The following GSE1 variants were observed in gnomAD, a reference collection of about 807,000 sequenced individuals.
GSE1 encodes the protein Gse1 coiled-coil protein.
In GSE1, 32 loss-of-function variants were observed where a neutral mutation model predicts 112.6. That is an observed-to-expected ratio of 0.28 (90% CI 0.21 to 0.38). The LOEUF is 0.38. Ranked by LOEUF, GSE1 falls within the 10% of genes least tolerant of loss-of-function variation. The pLI, the probability that GSE1 is intolerant of heterozygous loss-of-function variation, is 1.00. For synonymous variants in GSE1, 1,115 were observed against 735.6 expected (o/e 1.52, Z -8.35); for missense variants, 2,348 against 1,699.2 (o/e 1.38, Z -6.71).
chr16:85,463,223 C>T, intron 2 of GSE1: 3 of 485,828 alleles, frequency 6.2e-6, no homozygotes, highest in Non-Finnish European at 8.0e-6. Flanking sequence ...AACCTGGCCC[C>T]GCACTCACCC....
chr16:85,272,130 T>C (rs1006025816), intron 1 of GSE1, among the ~76,000 whole-genome samples: 2 of 152,180 alleles, frequency 1.3e-5, no homozygotes, highest in Non-Finnish European at 2.9e-5. Flanking sequence ...CGCCATTAGC[T>C]GGGTGCACAC....
At chr16:85,364,037 CAT>C (rs1205678370) in intron 2 of GSE1, among the ~76,000 whole-genome samples, 1 of 152,366 alleles carries the variant, frequency 6.6e-6, no homozygotes, top group Non-Finnish European at 1.5e-5. Flanking sequence ...CACACGCACA[CAT>C]AGTTCTTACA....
chr16:85,290,298 G>A (rs1292113457), intron 1 of GSE1, among the ~76,000 whole-genome samples: 3 of 152,204 alleles, frequency 2.0e-5, no homozygotes, highest in Non-Finnish European at 4.4e-5. Flanking sequence ...CTCATCACAA[G>A]GCCATGTCCA....
At chr16:85,409,210 C>T (rs867508748) in intron 2 of GSE1, among the ~76,000 whole-genome samples, 1 of 42,116 alleles carries the variant, frequency 2.4e-5, no homozygotes, top group African/African-American at 1.4e-4. Flanking sequence ...ACACTCAGGG[C>T]CCCCCGGATA....
At chr16:85,184,060 A>C (rs937045005) in intron 1 of GSE1, among the ~76,000 whole-genome samples, 1 of 152,204 alleles carries the variant, frequency 6.6e-6, no homozygotes, top group Non-Finnish European at 1.5e-5. Flanking sequence ...AGGGATGGCG[A>C]ACTCACTCCC....
chr16:85,585,426 A>G (rs1169697122), intron 1 of GSE1, among the ~76,000 whole-genome samples: 1 of 152,214 alleles, frequency 6.6e-6, no homozygotes, highest in Non-Finnish European at 1.5e-5. Context: ...CTGAGCTTGG[A>G]GGCCCGTGCC....
chr16:85,226,339 AATTTT>A (rs1455967379), intron 1 of GSE1, among the ~76,000 whole-genome samples: 9 of 152,240 alleles, frequency 5.9e-5, no homozygotes, highest in African/African-American at 2.2e-4. Context: ...AGTCATCTAC[AATTTT>A]ATTTTAATTT....
intron 2 of GSE1, among the ~76,000 whole-genome samples, chr16:85,485,415 C>T (rs976061856): frequency 1.3e-5 from 2 of 149,472 alleles, no homozygotes; most frequent in East Asian, 1.9e-4. Context: ...CCTCTTCCTC[C>T]CCTGTGCCTT....
chr16:85,655,772 C>A lies in GSE1; in HGVS notation c.844C>A (p.Pro282Thr), dbSNP rs1012181683. The change falls in exon 6 of 16, where the codon CCC becomes ACC. Residue 282 changes from proline (P) to threonine (T), a missense_variant. Physicochemically the swap from Pro to Thr is conservative, Grantham distance 38 (BLOSUM62 -1). Coordinates refer to ENST00000253458, the MANE Select transcript of GSE1 (RefSeq NM_014615.5). ...GTCTGCCCTGAGGTCCCCGTTCTAC[C>A]CCATCCCCACCCCCGGCTCCCTGCC... The part of the protein sequence containing the change: ...CLSALRSPFY[P>T]IPTPGSLPPL... 4 of 1,610,110 alleles carry A rather than the reference C, an allele frequency of 2.5e-6. No individual in the cohort carries two copies. Among genetic ancestry groups the A allele is most frequent in the Non-Finnish European group, 3.4e-6 (4 of 1,178,148 alleles).
chr16:85,657,469 G>A lies in GSE1; in HGVS notation c.1505G>A (p.Arg502Gln), dbSNP rs779254659. ...GAGGAGAAGTGGCTGGCGCGGCAGCGGCGGCTGCGGCAGGAGAAGGAGGAC... is the reference window on the plus strand; with the variant it reads ...GAGGAGAAGTGGCTGGCGCGGCAGCAGCGGCTGCGGCAGGAGAAGGAGGAC... ...NEEEKWLARQ[R>Q]RLRQEKEDRQ... Residue 502 changes from arginine to glutamine, a missense_variant, in exon 8 of 16, where the codon CGG (arginine) becomes CAG (glutamine). By Grantham distance (43) the Arg-to-Gln change is conservative (BLOSUM62 1). Transcript: ENST00000253458. 46 of 1,608,130 alleles carry A rather than the reference G, an allele frequency of 2.9e-5. No homozygotes were observed. Among genetic ancestry groups the A allele is most frequent in the African/African-American group, 9.4e-5 (7 of 74,816 alleles).
intron 2 of GSE1, among the ~76,000 whole-genome samples, chr16:85,491,362 CAGGA>C (rs1254580623): frequency 6.6e-6 from 1 of 152,152 alleles, no homozygotes; most frequent in Non-Finnish European, 1.5e-5. Flanking sequence ...TGGAGACAGA[CAGGA>C]AGCTCCCTAC....
chr16:85,345,194 T>G (rs1024211442), intron 1 of GSE1, among the ~76,000 whole-genome samples: 3 of 152,132 alleles, frequency 2.0e-5, no homozygotes, highest in Non-Finnish European at 4.4e-5. Flanking sequence ...GCTTTCACGT[T>G]TTTAAATGGT....
intron 1 of GSE1, among the ~76,000 whole-genome samples, chr16:85,342,527 C>T (rs1016275201): frequency 5.3e-5 from 8 of 152,130 alleles, no homozygotes; most frequent in Non-Finnish European, 8.8e-5. Context: ...GCCTCGGCAG[C>T]CCCACCAGCC....
chr16:85,556,239 T>G, exon 1 of GSE1: 2 of 984,912 alleles, frequency 2.0e-6, no homozygotes, highest in Non-Finnish European at 2.4e-6. Flanking sequence ...CGCCGTGGCT[T>G]GAACGGTGCT....
intron 2 of GSE1, among the ~76,000 whole-genome samples, chr16:85,460,273 C>CG (rs1294824899): frequency 6.6e-6 from 1 of 152,114 alleles, no homozygotes; most frequent in African/African-American, 2.4e-5. Flanking sequence ...TGGAACCACC[C>CG]GGGGGGCTTT....
chr16:85,654,912 G>A lies in GSE1; in HGVS notation c.718G>A (p.Gly240Ser), dbSNP rs151208097. Residue 240 changes from glycine to serine, a missense_variant, in exon 5 of 16, where the codon GGC becomes AGC. Coordinates refer to ENST00000253458, the MANE Select transcript of GSE1 (RefSeq NM_014615.5). ...CCGCATGTCCTCACTGCCTCCCCTC[G>A]GCCTGGACCCGGCCACTGCTGCAGC... ...DLRMSSLPPL[G>S]LDPATAAAYY... 71 of 1,610,506 alleles carry A rather than the reference G, an allele frequency of 4.4e-5. No homozygotes were observed. The highest frequency in any genetic ancestry group is 5.4e-5 in the Non-Finnish European group (64 of 1,179,366).
At chr16:85,458,393 C>T (rs2049889843) in intron 2 of GSE1, among the ~76,000 whole-genome samples, 4 of 152,212 alleles carry the variant, frequency 2.6e-5, no homozygotes, top group Admixed American at 2.6e-4. Context: ...GAGGGGAGCC[C>T]TCGACAGCTG....
chr16:85,256,893 G>A (rs906480784), intron 1 of GSE1, among the ~76,000 whole-genome samples: 2 of 152,242 alleles, frequency 1.3e-5, no homozygotes, highest in African/African-American at 4.8e-5. Context: ...TGCACTCACT[G>A]AATTTCAAGT....
rs1234526373 is a variant in GSE1 at position 85,493,707 on chromosome 16, T to G, written c.2464+136064T>G. 2.7e-5 allele frequency among the ~76,000 whole-genome samples: 4 copies of G among 150,514 alleles called. No homozygotes were observed. In the East Asian group the frequency reaches 7.8e-4, roughly 29 times the overall value. On this transcript the variant is annotated intron_variant, in intron 2 of 2. Coordinates refer to the GSE1 transcript ENST00000637419. ...GGCGGAGGTGGAGGTGGAGAATCGC[T>G]TGAACCCGGGAGGTAGAGGTTGTGG...
Sources: gnomAD v4.1 joint callset for allele counts (sites outside exome capture counted in the v4.1 genomes callset) on GRCh38, gnomAD v4.1.1 for gene constraint, MANE v1.5 for transcripts, NCBI Gene and HGNC (gene_info 2026-07-23, HGNC 2026-07-21) for gene names.